Variants in FRMPD4 observed in about 807,000 individuals in gnomAD.
FRMPD4 encodes the protein FERM and PDZ domain containing 4, also known as FERM and PDZ domain-containing protein 4.
A neutral mutation model predicts 94.1 loss-of-function variants in FRMPD4; 22 were observed. The ratio of observed to expected loss-of-function variants is 0.23; its 90% CI spans 0.17 to 0.33. FRMPD4 has a LOEUF of 0.33. Among genes scored for constraint, FRMPD4 ranks in the 10% least tolerant of loss-of-function variants. The probability of loss-of-function intolerance (pLI) is 1.00; values close to 1 mark genes in which losing one functional copy is unlikely to be tolerated. For missense variants in FRMPD4, 1,111 were observed against 1,339.9 expected (o/e 0.83, Z 2.67); for synonymous variants, 631 against 548.6 (o/e 1.15, Z -2.10).
At chrX:12,513,391 G>A (rs2058064278) in intron 2 of FRMPD4, among the ~76,000 whole-genome samples, 1 of 111,667 alleles carries the variant, frequency 9.0e-6, no homozygotes, top group South Asian at 3.8e-4. Context: ...GTCAATTTTT[G>A]TATAAGATCT....
chrX:11,975,897 A>G (rs2054364627), intron 3 of FRMPD4, among the ~76,000 whole-genome samples: 1 of 112,198 alleles, frequency 8.9e-6, no homozygotes, highest in African/African-American at 3.2e-5. Flanking sequence ...AATTATGTGT[A>G]ATGCCAGCTA....
chrX:11,899,532 A>G (rs1173740442), intron 3 of FRMPD4, among the ~76,000 whole-genome samples: 1 of 111,734 alleles, frequency 8.9e-6, no homozygotes, highest in Non-Finnish European at 1.9e-5. Flanking sequence ...AGATAATATA[A>G]TATGAACATG....
At chrX:12,219,236 G>A (rs753160251) in intron 1 of FRMPD4, among the ~76,000 whole-genome samples, 17 of 111,463 alleles carry the variant, frequency 1.5e-4, no homozygotes, top group Non-Finnish European at 2.6e-4. Flanking sequence ...GGGCACAGTG[G>A]TATGCACCTG....
intron 4 of FRMPD4, among the ~76,000 whole-genome samples, chrX:12,638,188 AAC>A (rs1369275625): frequency 1.8e-5 from 2 of 112,584 alleles, no homozygotes; most frequent in Non-Finnish European, 3.8e-5. Flanking sequence ...TGTTTTCTCA[AAC>A]ACACAAGTGA....
At chrX:12,666,006 C>T (rs1208251840) in intron 4 of FRMPD4, among the ~76,000 whole-genome samples, 2 of 109,880 alleles carry the variant, frequency 1.8e-5, no homozygotes, top group African/African-American at 3.3e-5. Context: ...CAAGACCCAT[C>T]GGTGTGCTGT....
chrX:11,935,250 T>TTTTTG, intron 3 of FRMPD4, among the ~76,000 whole-genome samples: 1 of 15,921 alleles, frequency 6.3e-5, no homozygotes, highest in Admixed American at 8.2e-4. Flanking sequence ...TGTTTTGTTG[T>TTTTTG]TTTTTTTTTT....
At chrX:12,586,691 A>C (rs1172185702) in intron 2 of FRMPD4, among the ~76,000 whole-genome samples, 1 of 111,904 alleles carries the variant, frequency 8.9e-6, no homozygotes, top group East Asian at 2.8e-4. Flanking sequence ...TGCCCAAAAC[A>C]TTATTATAAA....
intron 1 of FRMPD4, among the ~76,000 whole-genome samples, chrX:12,190,716 A>G (rs1006654781): frequency 6.5e-5 from 7 of 107,107 alleles, no homozygotes; most frequent in Non-Finnish European, 1.4e-4. Context: ...AAAAGAATCT[A>G]CACACAAACT....
At chrX:12,104,377 T>A (rs2055279428) in intron 3 of FRMPD4, among the ~76,000 whole-genome samples, 2 of 111,990 alleles carry the variant, frequency 1.8e-5, no homozygotes, top group Non-Finnish European at 3.8e-5. Context: ...GGAGAGGTGA[T>A]GAGATAATAC....
chrX:12,547,790 C>A (rs191277546), intron 2 of FRMPD4, among the ~76,000 whole-genome samples: 1 of 111,871 alleles, frequency 8.9e-6, no homozygotes. Flanking sequence ...AAACATCAAC[C>A]TTAAAATTAA....
At chrX:11,849,275 C>T (rs1396429563) in intron 1 of FRMPD4, among the ~76,000 whole-genome samples, 1 of 111,524 alleles carries the variant, frequency 9.0e-6, no homozygotes, top group Non-Finnish European at 1.9e-5. Flanking sequence ...AACTACAAAA[C>T]ATTGCTGAAA....
chrX:11,960,157 G>T (rs745484305), intron 3 of FRMPD4, among the ~76,000 whole-genome samples: 25 of 112,186 alleles, frequency 2.2e-4, no homozygotes, highest in Non-Finnish European at 3.8e-4. Context: ...GGGAATAATT[G>T]TCAATACGAA....
At chrX:12,647,393 C>T (rs1200708298) in intron 4 of FRMPD4, among the ~76,000 whole-genome samples, 2 of 111,818 alleles carry the variant, frequency 1.8e-5, no homozygotes, top group African/African-American at 6.5e-5. Flanking sequence ...AGAAAACATG[C>T]CTTGGAGTTA....
At chrX:12,114,080 T>TG (rs1479546093) in intron 3 of FRMPD4, among the ~76,000 whole-genome samples, 1 of 111,853 alleles carries the variant, frequency 8.9e-6, no homozygotes, top group Non-Finnish European at 1.9e-5. Context: ...TGCTACCAAC[T>TG]GGGAATTTTC....
At chrX:12,496,782 CA>C (rs1183922580) in intron 1 of FRMPD4, among the ~76,000 whole-genome samples, 11 of 111,328 alleles carry the variant, frequency 9.9e-5, no homozygotes, top group African/African-American at 3.6e-4. Flanking sequence ...TGTTTTGTAT[CA>C]GGGGATACTC....
At chrX:11,851,773 A>T (rs2053623458) in intron 1 of FRMPD4, among the ~76,000 whole-genome samples, 1 of 111,546 alleles carries the variant, frequency 9.0e-6, no homozygotes, top group Non-Finnish European at 1.9e-5. Flanking sequence ...CAAAGACCTA[A>T]GAAATGAATT....
intron 1 of FRMPD4, among the ~76,000 whole-genome samples, chrX:12,204,794 C>T (rs1030631121): frequency 9.0e-6 from 1 of 111,381 alleles, no homozygotes; most frequent in East Asian, 2.8e-4. Context: ...CCTAGATTCA[C>T]TGGAGCAAAG....
chrX:12,507,121 T>C (rs1812025488), intron 2 of FRMPD4, among the ~76,000 whole-genome samples: 1 of 112,489 alleles, frequency 8.9e-6, no homozygotes, highest in African/African-American at 3.2e-5. Context: ...TCACATGGCC[T>C]TCTCAATAAA....
chrX:11,900,540 G>A lies in FRMPD4; in HGVS notation c.95+22522G>A, dbSNP rs758253296. On this transcript the variant is annotated intron_variant, in intron 3 of 18. Coordinates refer to the FRMPD4 transcript ENST00000640291. ...GATTCTTCTGCTCTTGTGGTTGGTT[G>A]GTCCATATCTGTGCTGAATGTCTGT... Among the ~76,000 whole-genome samples, 17 of 111,768 alleles carry A rather than the reference G, an allele frequency of 1.5e-4. No individual in the cohort carries two copies. In the East Asian group the frequency reaches 4.2e-3, roughly 28 times the overall value.
Sources: allele counts gnomAD v4.1 joint callset (sites outside exome capture counted in the v4.1 genomes callset), GRCh38; gene constraint gnomAD v4.1.1; transcripts MANE v1.5; gene names NCBI Gene and HGNC (gene_info 2026-07-23, HGNC 2026-07-21).